The following MIA2 variants were observed in gnomAD, a reference collection of about 807,000 sequenced individuals.
MIA2 encodes the protein MIA SH3 domain ER export factor 2, also known as melanoma inhibitory activity protein 2.
In MIA2, 127 loss-of-function variants were observed where a neutral mutation model predicts 167.8. The ratio of observed to expected loss-of-function variants is 0.76; its 90% CI spans 0.66 to 0.88. MIA2 has a LOEUF of 0.88. Among genes scored for constraint, MIA2 ranks in the 40% least tolerant of loss-of-function variants. MIA2 has a pLI of 0.00. For missense variants in MIA2, 1,690 were observed against 1,624.7 expected (o/e 1.04, Z -0.69); for synonymous variants, 552 against 541.9 (o/e 1.02, Z -0.26).
chr14:39,253,804 C>T (rs1175576648), intron 6 of MIA2, among the ~76,000 whole-genome samples: 1 of 152,116 alleles, frequency 6.6e-6, no homozygotes, highest in Non-Finnish European at 1.5e-5. Context: ...ATTCTATTTT[C>T]ACTTGTAAAT....
chr14:39,248,569 C>T (rs1003836461), intron 4 of MIA2, among the ~76,000 whole-genome samples: 18 of 151,398 alleles, frequency 1.2e-4, no homozygotes, highest in South Asian at 2.1e-4. Context: ...TAAGAGTTTT[C>T]TAAATAGAAT....
intron 25 of MIA2, among the ~76,000 whole-genome samples, chr14:39,329,230 T>C (rs1018049979): frequency 6.6e-6 from 1 of 152,172 alleles, no homozygotes; most frequent in African/African-American, 2.4e-5. Flanking sequence ...TTGTAGTAAT[T>C]GCGAATGGGA....
chr14:39,256,536 G>A (rs7147869), intron 6 of MIA2, among the ~76,000 whole-genome samples: 87,630 of 151,736 alleles, frequency 0.58, 27,041 homozygotes, highest in African/African-American at 0.81. Flanking sequence ...TATTTCTTAA[G>A]TGATTCCATC....
At chr14:39,339,276 CA>C (rs2071228783) in intron 25 of MIA2, among the ~76,000 whole-genome samples, 1 of 152,152 alleles carries the variant, frequency 6.6e-6, no homozygotes, top group Admixed American at 6.5e-5. Context: ...GCCCGCAGCC[CA>C]GGGGTTAGGG....
chr14:39,345,825 G>T (rs1259101289), intron 25 of MIA2, 79 bp from the exon 26 acceptor site: 5 of 1,222,288 alleles, frequency 4.1e-6, no homozygotes, highest in Non-Finnish European at 5.7e-6. Flanking sequence ...GGTCAAAAGT[G>T]TAAGTTCAAT....
chr14:39,374,450 T>C (rs2075009099), intron 23 of MIA2, among the ~76,000 whole-genome samples: 1 of 152,236 alleles, frequency 6.6e-6, no homozygotes, highest in South Asian at 2.1e-4. Context: ...CAATGAGTGA[T>C]AAAATATTAA....
intron 25 of MIA2, among the ~76,000 whole-genome samples, chr14:39,338,285 G>A (rs1359830859): frequency 1.3e-5 from 2 of 152,178 alleles, no homozygotes; most frequent in East Asian, 3.8e-4. Context: ...AGTTATGAAA[G>A]ACGTAAACAT....
intron 25 of MIA2, among the ~76,000 whole-genome samples, chr14:39,333,915 C>T (rs1174739012): frequency 1.3e-5 from 2 of 152,112 alleles, no homozygotes; most frequent in African/African-American, 4.8e-5. Flanking sequence ...AAATAATGAA[C>T]CTGATCCCTG....
intron 2 of MIA2, among the ~76,000 whole-genome samples, chr14:39,238,896 A>G (rs796382414): frequency 4.8e-4 from 73 of 151,866 alleles, no homozygotes; most frequent in African/African-American, 1.7e-3. Flanking sequence ...AGGTTAAATC[A>G]TCTCTGAATA....
chr14:39,270,004 A>T (rs561010083), intron 6 of MIA2, among the ~76,000 whole-genome samples: 1 of 152,234 alleles, frequency 6.6e-6, no homozygotes, highest in South Asian at 2.1e-4. Flanking sequence ...TCGCTGAGTC[A>T]TATTTACCAT....
At chr14:39,246,571 C>A (rs774509364) in intron 3 of MIA2, among the ~76,000 whole-genome samples, 2 of 152,062 alleles carry the variant, frequency 1.3e-5, no homozygotes, top group African/African-American at 4.8e-5. Context: ...TAAAAATTAG[C>A]TGGGTATAGT....
chr14:39,243,052 G>T (rs2054123170), intron 3 of MIA2, among the ~76,000 whole-genome samples: 1 of 151,484 alleles, frequency 6.6e-6, no homozygotes, highest in Non-Finnish European at 1.5e-5. Flanking sequence ...GAACCCAGAA[G>T]GCGGAGGTTA....
intron 6 of MIA2, chr14:39,267,108 A>C: frequency 1.8e-6 from 2 of 1,115,536 alleles, no homozygotes; most frequent in East Asian, 6.8e-5. Flanking sequence ...AAGAAGGGGA[A>C]GTTTGCGGCT....
At chr14:39,241,630 T>A (rs1160277863) in intron 3 of MIA2, among the ~76,000 whole-genome samples, 3 of 152,228 alleles carry the variant, frequency 2.0e-5, no homozygotes, top group Non-Finnish European at 4.4e-5. Flanking sequence ...ATCTATTGAT[T>A]AGAATACTAA....
intron 18 of MIA2, among the ~76,000 whole-genome samples, chr14:39,309,315 A>G (rs1179698862): frequency 2.6e-5 from 4 of 152,162 alleles, no homozygotes. Flanking sequence ...GTGCCTTTAT[A>G]TCACACTCAA....
chr14:39,300,097 C>T (rs2062145312), intron 14 of MIA2, 111 bp downstream of exon 14: 2 of 1,349,398 alleles, frequency 1.5e-6, no homozygotes, highest in Non-Finnish European at 2.0e-6. Flanking sequence ...ATTTTCATAA[C>T]ATATTTGGCC....
intron 23 of MIA2, among the ~76,000 whole-genome samples, chr14:39,377,597 T>C (rs1407609481): frequency 2.6e-5 from 4 of 152,184 alleles, no homozygotes; most frequent in Non-Finnish European, 5.9e-5. Flanking sequence ...AGGTATACTA[T>C]AATTTAATTT....
intron 9 of MIA2, among the ~76,000 whole-genome samples, chr14:39,283,424 T>C (rs1384604331): frequency 1.3e-5 from 2 of 152,210 alleles, no homozygotes; most frequent in African/African-American, 4.8e-5. Flanking sequence ...CAGTGTATAC[T>C]GAATTCAGTT....
At chr14:39,340,677 A>G (rs1649788814) in intron 25 of MIA2, among the ~76,000 whole-genome samples, 1 of 152,230 alleles carries the variant, frequency 6.6e-6, no homozygotes, top group Admixed American at 6.5e-5. Context: ...AAGTCGTGGT[A>G]TATATGCTTT....
Sources: gnomAD v4.1 joint callset for allele counts (sites outside exome capture counted in the v4.1 genomes callset) on GRCh38, gnomAD v4.1.1 for gene constraint, MANE v1.5 for transcripts, NCBI Gene and HGNC (gene_info 2026-07-23, HGNC 2026-07-21) for gene names.